ANO3: variants seen among roughly 807,000 people sequenced by gnomAD.
ANO3 encodes anoctamin 3.
In ANO3, 99 loss-of-function variants were observed where a neutral mutation model predicts 144.8. That is an observed-to-expected ratio of 0.68 (90% confidence interval 0.58 to 0.81). The LOEUF is 0.81. Among genes scored for constraint, ANO3 ranks in the 30% least tolerant of loss-of-function variants. The pLI, the probability that ANO3 is intolerant of heterozygous loss-of-function variation, is 0.00. For missense variants in ANO3, 905 were observed against 1,202.2 expected (o/e 0.75, Z 3.66); for synonymous variants, 414 against 392.6 (o/e 1.05, Z -0.64).
intron 1 of ANO3, among the ~76,000 whole-genome samples, chr11:26,436,442 C>T (rs1449052422): frequency 1.3e-5 from 2 of 152,104 alleles, no homozygotes; most frequent in African/African-American, 4.8e-5. Context: ...AGGGTCTGCT[C>T]CAGTCTCTAA....
intron 1 of ANO3, among the ~76,000 whole-genome samples, chr11:26,341,883 G>A (rs928178953): frequency 6.6e-6 from 1 of 152,170 alleles, no homozygotes; most frequent in South Asian, 2.1e-4. Flanking sequence ...GAAAGATGAG[G>A]CTGGATGCTC....
At chr11:26,382,113 T>C (rs1475877235) in intron 1 of ANO3, among the ~76,000 whole-genome samples, 1 of 152,174 alleles carries the variant, frequency 6.6e-6, no homozygotes. Flanking sequence ...TAAATAGATA[T>C]ATTTCAATTT....
intron 3 of ANO3, among the ~76,000 whole-genome samples, chr11:26,451,126 C>A (rs1316792446): frequency 1.3e-5 from 2 of 152,082 alleles, no homozygotes; most frequent in African/African-American, 4.8e-5. Flanking sequence ...GAATAGGAAC[C>A]ACTCCGGTCT....
intron 1 of ANO3, chr11:26,427,251 C>T: frequency 6.0e-6 from 1 of 167,032 alleles, no homozygotes; most frequent in South Asian, 1.6e-4. Context: ...ATCCAGGATC[C>T]TAGGAACACC....
intron 14 of ANO3, chr11:26,567,178 C>A: frequency 1.6e-6 from 2 of 1,274,158 alleles, no homozygotes; most frequent in Admixed American, 3.2e-5. Context: ...GCCAAGTCAA[C>A]TGACTCCAAT....
intron 4 of ANO3, among the ~76,000 whole-genome samples, chr11:26,496,380 G>A (rs1345679759): frequency 6.6e-6 from 1 of 152,154 alleles, no homozygotes; most frequent in Non-Finnish European, 1.5e-5. Flanking sequence ...ACAAAAAAGT[G>A]CTAATAAAAA....
chr11:26,319,658 C>G (rs1448879907), intron 1 of ANO3, among the ~76,000 whole-genome samples: 1 of 152,086 alleles, frequency 6.6e-6, no homozygotes, highest in Admixed American at 6.5e-5. Context: ...TTAACATATC[C>G]TATAAAAATA....
intron 1 of ANO3, among the ~76,000 whole-genome samples, chr11:26,369,473 G>C (rs935462761): frequency 6.6e-6 from 1 of 151,832 alleles, no homozygotes; most frequent in African/African-American, 2.4e-5. Flanking sequence ...CAATATGAGA[G>C]ATCTGAGGCT....
intron 17 of ANO3, among the ~76,000 whole-genome samples, chr11:26,621,587 G>A (rs911425219): frequency 3.3e-5 from 5 of 151,836 alleles, no homozygotes; most frequent in African/African-American, 1.2e-4. Flanking sequence ...CTCTCTATCC[G>A]CTCTGCCTGC....
intron 1 of ANO3, among the ~76,000 whole-genome samples, chr11:26,269,057 C>T (rs994362063): frequency 1.3e-5 from 2 of 152,146 alleles, no homozygotes; most frequent in African/African-American, 4.8e-5. Context: ...TGTGATCCCC[C>T]AGGCCCAACC....
intron 14 of ANO3, among the ~76,000 whole-genome samples, chr11:26,564,772 TA>T (rs1565109229): frequency 0.034 from 3,735 of 110,622 alleles, 253 homozygotes; most frequent in Non-Finnish European, 0.053. Flanking sequence ...TATATATATA[TA>T]TATATATATA....
At chr11:26,571,186 A>G (rs1046141027) in intron 14 of ANO3, among the ~76,000 whole-genome samples, 1 of 152,062 alleles carries the variant, frequency 6.6e-6, no homozygotes, top group Non-Finnish European at 1.5e-5. Context: ...AGAAAGAAAG[A>G]AAGTTTCTCC....
chr11:26,513,312 A>G (rs1046539537), intron 5 of ANO3, among the ~76,000 whole-genome samples: 3 of 152,204 alleles, frequency 2.0e-5, no homozygotes, highest in Admixed American at 2.0e-4. Context: ...GACCCTTGTG[A>G]GAAGGATAGG....
chr11:26,631,189 T>C (rs1202620231), intron 18 of ANO3, among the ~76,000 whole-genome samples: 1 of 152,072 alleles, frequency 6.6e-6, no homozygotes, highest in African/African-American at 2.4e-5. Context: ...TGGTGGAGTC[T>C]TCTCTCTTTT....
chr11:26,486,508 G>A (rs1422171838), intron 4 of ANO3, among the ~76,000 whole-genome samples: 1 of 152,088 alleles, frequency 6.6e-6, no homozygotes, highest in African/African-American at 2.4e-5. Context: ...TTCAGAAACT[G>A]TAAGTGCTCT....
chr11:26,334,682 G>A (rs1371964927), intron 1 of ANO3, among the ~76,000 whole-genome samples: 1 of 152,202 alleles, frequency 6.6e-6, no homozygotes, highest in Non-Finnish European at 1.5e-5. Flanking sequence ...GTTTGCATAT[G>A]AAGGCAGAGA....
intron 1 of ANO3, among the ~76,000 whole-genome samples, chr11:26,355,010 T>TC: frequency 1.5e-4 from 1 of 6,552 alleles, no homozygotes; most frequent in African/African-American, 4.9e-4. Flanking sequence ...AAATTGTAAC[T>TC]CTTTTTTTTT....
chr11:26,455,260 A>G (rs1447217005), intron 3 of ANO3, among the ~76,000 whole-genome samples: 5 of 150,226 alleles, frequency 3.3e-5, no homozygotes, highest in African/African-American at 9.8e-5. Flanking sequence ...ATGGTATTCA[A>G]TTAGGAAAAG....
chr11:26,661,740 C>G lies in ANO3; in HGVS notation c.*1296C>G, dbSNP rs193267547. On this transcript the variant is annotated 3_prime_UTR_variant, in exon 27 of 27. Transcript: ENST00000256737. Reference sequence around the variant, plus strand: ...TGTTGTGGAATTTCTATTTCAACGTCAACTCTGTATCTATGAGTATGTCTG... The same window carrying G: ...TGTTGTGGAATTTCTATTTCAACGTGAACTCTGTATCTATGAGTATGTCTG... The G allele has an allele frequency of 2.0e-5, 3 of 152,128 alleles. No homozygotes were observed. Among genetic ancestry groups the G allele is most frequent in the Non-Finnish European group, 4.4e-5 (3 of 67,994 alleles). The allele number at this position is 152,128 out of a possible 1,614,324, so 9.4% of individuals were successfully genotyped here. A position where few individuals can be genotyped will look rare whatever the true frequency, so the allele number is the denominator to read the frequency against.
Sources: allele counts gnomAD v4.1 joint callset (sites outside exome capture counted in the v4.1 genomes callset), GRCh38; gene constraint gnomAD v4.1.1; transcripts MANE v1.5; gene names NCBI Gene and HGNC (gene_info 2026-07-23, HGNC 2026-07-21).